The following VGLL4 variants were observed in gnomAD, a reference collection of about 807,000 sequenced individuals.
VGLL4 encodes the protein transcription cofactor vestigial-like protein 4.
A neutral mutation model predicts 21.0 loss-of-function variants in VGLL4; 7 were observed. That is an observed-to-expected ratio of 0.33 (90% CI 0.19 to 0.63). VGLL4 has a LOEUF of 0.63. Among genes scored for constraint, VGLL4 ranks in the 20% least tolerant of loss-of-function variants. The probability of loss-of-function intolerance (pLI) is 0.78; values close to 1 mark genes in which losing one functional copy is unlikely to be tolerated. For synonymous variants in VGLL4, 222 were observed against 173.2 expected (o/e 1.28, Z -2.21); for missense variants, 394 against 425.7 (o/e 0.93, Z 0.66).
intron 1 of VGLL4, among the ~76,000 whole-genome samples, chr3:11,631,734 A>G (rs1033929151): frequency 2.0e-5 from 3 of 152,330 alleles, no homozygotes; most frequent in South Asian, 2.1e-4. Context: ...ATGGGGGGAA[A>G]AATTTACAAA....
chr3:11,562,767 G>C (rs901130788), intron 3 of VGLL4, among the ~76,000 whole-genome samples: 3 of 152,284 alleles, frequency 2.0e-5, no homozygotes, highest in African/African-American at 7.2e-5. Context: ...TGACAGCTCC[G>C]GTCAGGGCCA....
At position 11,556,119 on chromosome 3, in the gene VGLL4, A is replaced by AAAAG. The variant is rs1223093934; in HGVS notation, c.*2433_*2436dup. 4 of 152,790 alleles carry AAAAG rather than the reference A, an allele frequency of 2.6e-5. No individual in the cohort carries two copies. Among genetic ancestry groups the AAAAG allele is most frequent in the Non-Finnish European group, 5.9e-5 (4 of 68,038 alleles). 9.5% of individuals were successfully genotyped at this position (152,790 alleles called of 1,614,324 possible). On this transcript the variant is annotated 3_prime_UTR_variant, in exon 5 of 5. Coordinates refer to ENST00000430365, the MANE Select transcript of VGLL4 (RefSeq NM_001128219.3). ...TCTTAAGGCTACTTTTAAGTACAAA[A>AAAAG]AAAGATGGCCTGCCAAACCTTTTTT...
chr3:11,674,783 A>G (rs1386407899), intron 2 of VGLL4, among the ~76,000 whole-genome samples: 1 of 152,170 alleles, frequency 6.6e-6, no homozygotes, highest in African/African-American at 2.4e-5. Context: ...TATTTTAATG[A>G]TTTTTCCAAA....
At chr3:11,647,828 G>A (rs189140303), upstream of VGLL4, among the ~76,000 whole-genome samples, 111 of 152,174 alleles carry the variant, frequency 7.3e-4, 1 homozygote, top group Non-Finnish European at 1.3e-3. Context: ...CATCTAAACG[G>A]CAGATTCTTC....
chr3:11,559,508 C>A, intron 3 of VGLL4, 53 bp from the exon 4 acceptor site: 1 of 1,495,696 alleles, frequency 6.7e-7, no homozygotes, highest in Non-Finnish European at 8.9e-7. Context: ...TACCGGGCAC[C>A]ACCCCTGGGG....
intron 2 of VGLL4, among the ~76,000 whole-genome samples, chr3:11,668,748 C>T (rs149971036): frequency 3.9e-4 from 60 of 152,348 alleles, no homozygotes; most frequent in Non-Finnish European, 6.8e-4. Flanking sequence ...CTCTCTTGCA[C>T]GTTTGGAGAA....
chr3:11,638,547 C>T (rs1030971225), intron 1 of VGLL4, among the ~76,000 whole-genome samples: 4 of 152,084 alleles, frequency 2.6e-5, no homozygotes, highest in Non-Finnish European at 5.9e-5. Context: ...CTCCCCCTTC[C>T]TCCCTAACCC....
chr3:11,625,642 T>G (rs1460090010), intron 1 of VGLL4, among the ~76,000 whole-genome samples: 2 of 152,196 alleles, frequency 1.3e-5, no homozygotes, highest in Non-Finnish European at 2.9e-5. Context: ...TAAAGATTAG[T>G]GAAGGCAGCA....
At chr3:11,702,963 T>C in intron 2 of VGLL4, 1 of 1,610,202 alleles carries the variant, frequency 6.2e-7, no homozygotes. Flanking sequence ...AATAGACTCC[T>C]CACTTACGTT....
rs1044788793 is a variant in VGLL4 at position 11,557,117 on chromosome 3, G to C, written c.*1439C>G. The stretch of plus-strand genomic sequence containing the variant: ...CCTCTGGTGGGCCAGGTGGGACACA[G>C]CACACCCCAGGGGGAGGGGATAGAA... On this transcript the variant is annotated 3_prime_UTR_variant, in exon 5 of 5. Transcript: ENST00000430365. 6.6e-6 allele frequency: 1 copy of C among 152,560 alleles called. No homozygotes were observed. Among genetic ancestry groups the C allele is most frequent in the African/African-American group, 2.4e-5 (1 of 41,466 alleles). 9.5% of individuals were successfully genotyped at this position (152,560 alleles called of 1,614,324 possible).
chr3:11,640,974 G>A (rs1212789535), intron 1 of VGLL4, among the ~76,000 whole-genome samples: 15 of 151,938 alleles, frequency 9.9e-5, no homozygotes, highest in Admixed American at 7.9e-4. Flanking sequence ...AAAATGGGCC[G>A]GGCATGGTGG....
At chr3:11,696,532 G>A (rs1308346188) in intron 2 of VGLL4, among the ~76,000 whole-genome samples, 1 of 152,110 alleles carries the variant, frequency 6.6e-6, no homozygotes, top group Non-Finnish European at 1.5e-5. Flanking sequence ...TGCATACAAC[G>A]GAGGAGCCAG....
At chr3:11,626,510 T>C in intron 1 of VGLL4, 1 of 443,162 alleles carries the variant, frequency 2.3e-6, no homozygotes, top group Non-Finnish European at 4.5e-6. Flanking sequence ...GGAGATTTCA[T>C]TACCTTGAAA....
chr3:11,650,337 A>G (rs377307482), intron 2 of VGLL4, among the ~76,000 whole-genome samples: 13 of 152,322 alleles, frequency 8.5e-5, no homozygotes, highest in African/African-American at 3.1e-4. Flanking sequence ...TACTAGGCTG[A>G]TCTGTTTAAT....
chr3:11,702,385 G>A (rs1197114112), intron 2 of VGLL4, among the ~76,000 whole-genome samples: 15 of 149,518 alleles, frequency 1.0e-4, no homozygotes, highest in African/African-American at 7.4e-5. Flanking sequence ...CGAGGTAGAC[G>A]GATCATTTGA....
At chr3:11,611,360 C>T (rs1413026919) in intron 1 of VGLL4, among the ~76,000 whole-genome samples, 3 of 152,080 alleles carry the variant, frequency 2.0e-5, no homozygotes, top group Non-Finnish European at 4.4e-5. Context: ...GGCCACCATG[C>T]GAGGATATGG....
chr3:11,671,952 G>A (rs535472551), intron 2 of VGLL4, among the ~76,000 whole-genome samples: 12 of 152,018 alleles, frequency 7.9e-5, no homozygotes, highest in African/African-American at 2.2e-4. Flanking sequence ...CTTCCTCCTC[G>A]CCTGTCACTA....
chr3:11,712,610 C>T (rs2076863494), intron 1 of VGLL4, among the ~76,000 whole-genome samples: 1 of 152,134 alleles, frequency 6.6e-6, no homozygotes, highest in African/African-American at 2.4e-5. Context: ...ATGGAAGTGA[C>T]TTCCTGAAGC....
chr3:11,590,823 G>A (rs778866497), intron 2 of VGLL4, among the ~76,000 whole-genome samples: 1 of 152,118 alleles, frequency 6.6e-6, no homozygotes, highest in Admixed American at 6.5e-5. Flanking sequence ...TGTTCCAGCT[G>A]CCATGTGACA....
Sources: gnomAD v4.1 joint callset for allele counts (sites outside exome capture counted in the v4.1 genomes callset) on GRCh38, gnomAD v4.1.1 for gene constraint, MANE v1.5 for transcripts, NCBI Gene and HGNC (gene_info 2026-07-23, HGNC 2026-07-21) for gene names.